DARS1: variants seen among roughly 807,000 people sequenced by gnomAD.
DARS1 encodes the protein aspartyl-tRNA synthetase 1.
DARS1 carries 51 observed loss-of-function variants against 68.8 expected under a neutral mutation model. The observed-to-expected ratio is 0.74, with a 90% CI of 0.59 to 0.94. The LOEUF is 0.94. DARS1 is among the 40% of genes least tolerant of loss of function. The pLI is 0.00. For missense variants in DARS1, 607 were observed against 597.3 expected (o/e 1.02, Z -0.17); for synonymous variants, 203 against 190.4 (o/e 1.07, Z -0.55).
At chr2:135,982,527 C>T (rs1349499415) in intron 2 of DARS1, among the ~76,000 whole-genome samples, 4 of 149,600 alleles carry the variant, frequency 2.7e-5, no homozygotes, top group African/African-American at 7.4e-5. Context: ...ACTTGGGAGG[C>T]GGAAGTTGAA....
rs899063564 is a variant in DARS1 at position 135,973,725 on chromosome 2, C to G, written c.217+5549G>C. Among the ~76,000 whole-genome samples, 4 of 151,896 alleles carry G rather than the reference C, an allele frequency of 2.6e-5. No homozygotes were observed. In the East Asian group the frequency reaches 5.8e-4, roughly 22 times the overall value. ...TGAAAAAATAAAAAATAAAAATTAG[C>G]TGGGCGTGGTGACATGTGCCTGTAG... On this transcript the variant is annotated intron_variant, in intron 3 of 15. Transcript: ENST00000264161.
At chr2:135,913,530 G>C (rs1297547539) in intron 12 of DARS1, among the ~76,000 whole-genome samples, 1 of 152,100 alleles carries the variant, frequency 6.6e-6, no homozygotes, top group African/African-American at 2.4e-5. Context: ...GCCAAGGTAG[G>C]TGAATCACCT....
chr2:135,922,730 A>G (rs1681129297), intron 9 of DARS1, 54 bp downstream of exon 9: 2 of 1,458,336 alleles, frequency 1.4e-6, no homozygotes, highest in Admixed American at 2.7e-5. Context: ...TTCTAAAATT[A>G]TAACTGCTGT....
At chr2:135,982,266 G>T (rs1682651288) in intron 2 of DARS1, among the ~76,000 whole-genome samples, 2 of 152,092 alleles carry the variant, frequency 1.3e-5, no homozygotes, top group African/African-American at 4.8e-5. Context: ...AAAATCTACA[G>T]GTCTGAGAGA....
intron 6 of DARS1, 21 bp from the exon 7 acceptor site, chr2:135,932,863 AAG>A: frequency 8.9e-7 from 1 of 1,117,748 alleles, no homozygotes; most frequent in African/African-American, 1.6e-5. Context: ...AAAAAAAGAA[AAG>A]AAAAAAATAA....
rs184245645 is a variant in DARS1 at position 135,966,620 on chromosome 2, C to T, written c.218-5122G>A. Among the ~76,000 whole-genome samples the T allele has an allele frequency of 1.7e-4, 26 of 152,310 alleles. No individual in the cohort carries two copies. In the East Asian group the frequency reaches 5.0e-3, roughly 29 times the overall value. ...ATGGCACGATGACTGCAACCTCTGC[C>T]TCCTGGGTTCAAGTGATTCTCCTGC... On this transcript the variant is annotated intron_variant, in intron 3 of 15. Coordinates refer to ENST00000264161, the MANE Select transcript of DARS1 (RefSeq NM_001349.4).
chr2:135,970,811 T>C (rs374031375), intron 3 of DARS1, among the ~76,000 whole-genome samples: 158 of 152,246 alleles, frequency 1.0e-3, no homozygotes, highest in Admixed American at 1.8e-3. Flanking sequence ...GATTAGTGGC[T>C]ACTATAAGCA....
At chr2:135,957,799 C>T (rs1304098948) in intron 4 of DARS1, among the ~76,000 whole-genome samples, 1 of 152,140 alleles carries the variant, frequency 6.6e-6, no homozygotes, top group African/African-American at 2.4e-5. Flanking sequence ...TAAGTTCTGT[C>T]ATGTTACTTA....
chr2:135,926,392 C>T (rs988131104), intron 7 of DARS1, among the ~76,000 whole-genome samples: 9 of 151,886 alleles, frequency 5.9e-5, no homozygotes, highest in African/African-American at 1.9e-4. Flanking sequence ...TGATTTTTTT[C>T]TCATTAGTTT....
rs192607570 is a variant in DARS1, at chr2:135,922,042, T to C, written c.811+742A>G. ...AATAAAGTAACGCTGGCTTTTCACT[T>C]ACAATTAGCTTCAAAAAAGAATTTG... On this transcript the variant is annotated intron_variant, in intron 9 of 15. Transcript: ENST00000264161. Among the ~76,000 whole-genome samples the C allele has an allele frequency of 2.0e-3, 303 of 152,322 alleles. 1 individual carries two copies. Among genetic ancestry groups the C allele is most frequent in the African/African-American group, 7.0e-3 (290 of 41,582 alleles).
chr2:135,920,293 G>A (rs1377866622), intron 10 of DARS1, among the ~76,000 whole-genome samples, 160 bp downstream of exon 10: 1 of 152,136 alleles, frequency 6.6e-6, no homozygotes, highest in East Asian at 1.9e-4. Context: ...TATTCTGAGT[G>A]TAGATTTTTC....
In DARS1 at chr2:135,961,445, C is replaced by T. The variant is rs543679754; in HGVS notation, c.271G>A (p.Val91Met). 1.3e-6 allele frequency: 2 copies of T among 1,566,972 alleles called. No individual in the cohort carries two copies. The highest frequency in any genetic ancestry group is 2.2e-5 in the South Asian group (2 of 90,194). The change falls in exon 4 of 16, where the codon GTG becomes ATG. Residue 91 changes from valine to methionine, a missense_variant. Val to Met is a conservative substitution (Grantham distance 21, BLOSUM62 1). Transcript: ENST00000264161. ...TTGCTTGCATGGTCTCCCACCGCCACAAGAGCCTGGACATTAAACTGCTGC... is the reference window on the plus strand; with the variant it reads ...TTGCTTGCATGGTCTCCCACCGCCATAAGAGCCTGGACATTAAACTGCTGC... Reference protein sequence around the residue: ...RQQQFNVQALVAVGDHASKQM... With the variant: ...RQQQFNVQALMAVGDHASKQM...
chr2:135,982,782 GAGA>G (rs1673650364), intron 2 of DARS1, among the ~76,000 whole-genome samples: 1 of 152,126 alleles, frequency 6.6e-6, no homozygotes. Context: ...AAAGAAGCCA[GAGA>G]AGATGTAAGA....
intron 3 of DARS1, among the ~76,000 whole-genome samples, chr2:135,970,948 C>T (rs563060911): frequency 3.9e-5 from 6 of 152,068 alleles, no homozygotes; most frequent in East Asian, 3.9e-4. Context: ...AGATTAAAGC[C>T]GTAATAAAAA....
At chr2:135,910,911 A>G in intron 15 of DARS1, 1 of 438,672 alleles carries the variant, frequency 2.3e-6, no homozygotes. Flanking sequence ...GAGAGAAAAC[A>G]GGATACTCCA....
At chr2:135,931,892 A>G (rs980264593) in intron 7 of DARS1, among the ~76,000 whole-genome samples, 3 of 152,190 alleles carry the variant, frequency 2.0e-5, no homozygotes, top group African/African-American at 7.2e-5. Flanking sequence ...GTCAAATTCT[A>G]GAGGCACAAA....
chr2:135,982,698 C>A (rs1485102843), intron 2 of DARS1, among the ~76,000 whole-genome samples: 1 of 151,958 alleles, frequency 6.6e-6, no homozygotes, highest in African/African-American at 2.4e-5. Flanking sequence ...TCATTTCATT[C>A]CCAGACACTA....
At chr2:135,975,989 G>C (rs1345786671) in intron 3 of DARS1, among the ~76,000 whole-genome samples, 2 of 152,036 alleles carry the variant, frequency 1.3e-5, no homozygotes, top group East Asian at 3.9e-4. Flanking sequence ...TGTAAAGAAG[G>C]ATTACAGTCA....
chr2:135,945,870 C>T (rs937405518), intron 4 of DARS1, among the ~76,000 whole-genome samples: 3 of 152,042 alleles, frequency 2.0e-5, no homozygotes, highest in Non-Finnish European at 4.4e-5. Context: ...TTTTTTTAAC[C>T]CTTCCAATCT....
Sources: allele counts gnomAD v4.1 joint callset (sites outside exome capture counted in the v4.1 genomes callset), GRCh38; gene constraint gnomAD v4.1.1; transcripts MANE v1.5; gene names NCBI Gene and HGNC (gene_info 2026-07-23, HGNC 2026-07-21).